Variants in MRTFB observed in about 807,000 individuals in gnomAD.
MRTFB encodes myocardin-related transcription factor B.
In MRTFB, 29 loss-of-function variants were observed where a neutral mutation model predicts 104.2. The ratio of observed to expected loss-of-function variants is 0.28; its 90% CI spans 0.21 to 0.38. MRTFB has a LOEUF of 0.38. Among genes scored for constraint, MRTFB ranks in the 10% least tolerant of loss-of-function variants. The pLI is 1.00. For missense variants in MRTFB, 1,270 were observed against 1,341.6 expected, an observed-to-expected ratio of 0.95 and a Z score of 0.83; for synonymous variants, 535 against 519.5, an observed-to-expected ratio of 1.03 and a Z score of -0.41.
At chr16:14,028,266 G>A in the MRTFB span, among the ~76,000 whole-genome samples, 3 of 149,592 alleles carry the variant, frequency 2.0e-5, no homozygotes, top group Non-Finnish European at 4.5e-5. Context: ...CTAGTGCAAT[G>A]TTTGCCCTAG....
In MRTFB at chr16:14,218,837, T is replaced by C. The variant is rs371242494; in HGVS notation, c.532T>C (p.Tyr178His). The C allele has an allele frequency of 6.2e-7, 1 of 1,603,148 alleles. No individual in the cohort carries two copies. Among genetic ancestry groups the C allele is most frequent in the Non-Finnish European group, 8.5e-7 (1 of 1,173,774 alleles). ...EAIIGVGKED[Y>H]PHTQGDFSFD... is the part of the protein sequence containing the mutation. Reference sequence around the variant, plus strand: ...TTCTTTAGGCGTTGGGAAGGAGGACTATCCCCACACTCAGGGCGATTTCTC... The same window carrying C: ...TTCTTTAGGCGTTGGGAAGGAGGACCATCCCCACACTCAGGGCGATTTCTC... The change falls in exon 8 of 17, where the codon TAT (tyrosine) becomes CAT (histidine). Residue 178 changes from tyrosine (Y) to histidine (H), a missense_variant. Around this residue, in one of 3 missense-constraint regions of MRTFB, gnomAD observed 1,144 missense variants for 1,131.5 expected, o/e 1.01. Transcript: ENST00000571589.
the MRTFB span, among the ~76,000 whole-genome samples, chr16:14,042,318 T>C: frequency 6.6e-6 from 1 of 152,076 alleles, no homozygotes; most frequent in Admixed American, 6.5e-5. Flanking sequence ...AGAGATGGAT[T>C]TTCACCACGT....
At chr16:14,248,595 C>G (rs1407829191) in intron 12 of MRTFB, 1 of 191,184 alleles carries the variant, frequency 5.2e-6, no homozygotes, top group Admixed American at 5.9e-5. Context: ...AGTTGCCTTG[C>G]TGTTATTCAA....
At chr16:14,062,704 A>G in the MRTFB span, among the ~76,000 whole-genome samples, 6 of 152,192 alleles carry the variant, frequency 3.9e-5, no homozygotes. Context: ...CCACAGAATC[A>G]CTGGGAGGGC....
intron 3 of MRTFB, chr16:14,144,511 T>C (rs1001506308): frequency 3.3e-5 from 5 of 152,150 alleles, no homozygotes; most frequent in African/African-American, 1.2e-4. Flanking sequence ...TTAATAACAA[T>C]GTATTGTATT....
At chr16:14,005,701 A>G in the MRTFB span, among the ~76,000 whole-genome samples, 1 of 152,330 alleles carries the variant, frequency 6.6e-6, no homozygotes, top group East Asian at 1.9e-4. Context: ...GCTGGATTCA[A>G]TACAGGAAAT....
At chr16:14,042,582 C>T in the MRTFB span, among the ~76,000 whole-genome samples, 3,108 of 152,276 alleles carry the variant, frequency 0.02, 100 homozygotes, top group African/African-American at 0.071. Context: ...AATCACAGGG[C>T]TCATCAGTGA....
intron 2 of MRTFB, among the ~76,000 whole-genome samples, chr16:14,081,490 A>G (rs1384404166): frequency 6.6e-6 from 1 of 152,014 alleles, no homozygotes; most frequent in East Asian, 1.9e-4. Flanking sequence ...ACGGGGTTTC[A>G]CCGTGTTGGC....
chr16:14,012,974 T>G, the MRTFB span: 1 of 152,188 alleles, frequency 6.6e-6, no homozygotes, highest in Non-Finnish European at 1.5e-5. Flanking sequence ...CTTCCCAGTT[T>G]CCCATCAAAT....
chr16:14,133,123 C>G (rs7190279), intron 2 of MRTFB, among the ~76,000 whole-genome samples: 8,927 of 152,244 alleles, frequency 0.059, 519 homozygotes, highest in East Asian at 0.3. Context: ...AATTTTTACT[C>G]TACTTTAAAG....
At chr16:14,045,750 A>T in the MRTFB span, among the ~76,000 whole-genome samples, 1 of 152,224 alleles carries the variant, frequency 6.6e-6, no homozygotes, top group Non-Finnish European at 1.5e-5. Flanking sequence ...GACTTCTGAG[A>T]AATGAATGAA....
At chr16:14,068,059 T>C (rs1310260198), upstream of MRTFB, among the ~76,000 whole-genome samples, 1 of 152,168 alleles carries the variant, frequency 6.6e-6, no homozygotes, top group Non-Finnish European at 1.5e-5. Flanking sequence ...GTCGAACTTC[T>C]GTCCCCAGGT....
At chr16:14,113,196 A>G (rs1227958971) in intron 2 of MRTFB, among the ~76,000 whole-genome samples, 1 of 152,124 alleles carries the variant, frequency 6.6e-6, no homozygotes, top group Non-Finnish European at 1.5e-5. Context: ...GGTGCCTGCC[A>G]CCACACCCAG....
chr16:14,079,344 T>G lies in MRTFB; in HGVS notation c.-74T>G. On this transcript the variant is annotated 5_prime_UTR_variant, in exon 2 of 17. Transcript: ENST00000571589. ...TGTAAGACAGGAAAATAATTAAATA[T>G]TCTTACCGAGGTAAGTTTTTTTATA... 2.8e-6 allele frequency: 1 copy of G among 352,398 alleles called. No individual in the cohort carries two copies. Among genetic ancestry groups the G allele is most frequent in the Non-Finnish European group, 5.2e-6 (1 of 193,600 alleles). The allele number at this position is 352,398 out of a possible 1,614,324, so 21.8% of individuals were successfully genotyped here.
intron 8 of MRTFB, among the ~76,000 whole-genome samples, chr16:14,232,213 A>C (rs1009924526): frequency 6.6e-6 from 1 of 152,252 alleles, no homozygotes; most frequent in Admixed American, 6.5e-5. Flanking sequence ...TATAGAGATC[A>C]GAATTCAAAC....
At chr16:14,189,346 G>C (rs933931079) in intron 3 of MRTFB, among the ~76,000 whole-genome samples, 1 of 152,112 alleles carries the variant, frequency 6.6e-6, no homozygotes, top group African/African-American at 2.4e-5. Context: ...ATTTAACTTT[G>C]GGACAAGCTC....
In MRTFB at chr16:14,189,088, G is replaced by A. The variant is rs150244004; in HGVS notation, c.155-21155G>A. Reference sequence around the variant, plus strand: ...TAGATTCTACTCATCTAATAGATAGGGTTGAGGCTAAAATAATGTATGTAG... The same window carrying A: ...TAGATTCTACTCATCTAATAGATAGAGTTGAGGCTAAAATAATGTATGTAG... On this transcript the variant is annotated intron_variant, in intron 3 of 16. Coordinates refer to ENST00000571589, the MANE Select transcript of MRTFB (RefSeq NM_001308142.2). 2.0e-5 allele frequency among the ~76,000 whole-genome samples: 3 copies of A among 152,224 alleles called. No individual in the cohort carries two copies. The East Asian group carries it at 5.8e-4, about 29-fold the overall frequency.
At chr16:14,199,832 C>G (rs890355697) in intron 3 of MRTFB, among the ~76,000 whole-genome samples, 2 of 152,134 alleles carry the variant, frequency 1.3e-5, no homozygotes, top group Non-Finnish European at 2.9e-5. Context: ...AAATATTTCC[C>G]CATTGAGTCA....
In MRTFB at chr16:14,176,326, A is replaced by C. The variant is rs184784262; in HGVS notation, c.155-33917A>C. On this transcript the variant is annotated intron_variant, in intron 3 of 16. Coordinates refer to ENST00000571589, the MANE Select transcript of MRTFB (RefSeq NM_001308142.2). The stretch of plus-strand genomic sequence containing the variant: ...AATGAGATACAGTTCCAGCTCGCAA[A>C]GATTATAAAATTTACGAAGATGGGG... Among the ~76,000 whole-genome samples, 13 of 152,348 alleles carry C rather than the reference A, an allele frequency of 8.5e-5. No individual in the cohort carries two copies. In the East Asian group the frequency reaches 2.5e-3, roughly 29 times the overall value.
Sources: gnomAD v4.1 joint callset for allele counts (sites outside exome capture counted in the v4.1 genomes callset) on GRCh38, gnomAD v4.1.1 for gene constraint, gnomAD v4.1.1 regional missense constraint, MANE v1.5 for transcripts, NCBI Gene and HGNC (gene_info 2026-07-23, HGNC 2026-07-21) for gene names.